The following PIGM variants were observed in gnomAD, a reference collection of about 807,000 sequenced individuals.
The protein encoded by PIGM is phosphatidylinositol glycan anchor biosynthesis class M.
Under a neutral mutation model 14.6 loss-of-function variants are expected in PIGM, and 7 were observed. The observed-to-expected ratio is 0.48, with a 90% CI of 0.27 to 0.90. The LOEUF (loss-of-function observed/expected upper bound fraction) is 0.90. Among genes scored for constraint, PIGM ranks in the 40% least tolerant of loss-of-function variants. The pLI is 0.12. For synonymous variants in PIGM, 216 were observed against 215.9 expected (o/e 1.00, Z 0.00); for missense variants, 506 against 516.2 (o/e 0.98, Z 0.19).
At position 160,027,459 on chromosome 1, in the gene PIGM, G is replaced by C. The variant is rs1648209961; in HGVS notation, c.*3009C>G. ...AGCCTTTCCAATGGGCCTATCAAGA[G>C]AATTTATCCAGGAATATTTAGGAAC... On this transcript the variant is annotated 3_prime_UTR_variant, in exon 1 of 1. Transcript: ENST00000368090. 6.6e-6 allele frequency: 1 copy of C among 152,156 alleles called. No individual in the cohort carries two copies. The highest frequency in any genetic ancestry group is 2.4e-5 in the African/African-American group (1 of 41,420). The allele number at this position is 152,156 out of a possible 1,614,324, so 9.4% of individuals were successfully genotyped here.
chr1:160,030,511 T>C lies in PIGM; in HGVS notation c.1229A>G (p.His410Arg), dbSNP rs779200417. Residue 410 changes from histidine to arginine, a missense_variant, in exon 1 of 1, where the codon CAT (histidine) becomes CGT (arginine). Physicochemically the swap from His to Arg is conservative, Grantham distance 29. Coordinates refer to ENST00000368090, the MANE Select transcript of PIGM (RefSeq NM_145167.3). ...NCSILIQIIS[H>R]YKEEPLTERI... ...CTCTGTCAGGGGTTCTTCTTTGTAA[T>C]GGGAAATAATTTGAATCAGGATGGA... 2 of 1,613,750 alleles carry C rather than the reference T, an allele frequency of 1.2e-6. No homozygotes were observed. The highest frequency in any genetic ancestry group is 1.7e-6 in the Non-Finnish European group (2 of 1,179,632).
rs181777827 is a variant in PIGM at position 160,031,862 on chromosome 1, A to G, written c.-123T>C. 9.0e-7 allele frequency: 1 copy of G among 1,106,584 alleles called. No homozygotes were observed. Among genetic ancestry groups the G allele is most frequent in the African/African-American group, 1.6e-5 (1 of 64,438 alleles). 68.5% of individuals were successfully genotyped at this position (1,106,584 alleles called of 1,614,324 possible). A position where few individuals can be genotyped will look rare whatever the true frequency, so the allele number is the denominator to read the frequency against. ...CCCACCCGCCAGGCTGCCAACCGAA[A>G]CGACTGCAGACTATCACATCCGGCA... On this transcript the variant is annotated 5_prime_UTR_variant, in exon 1 of 1. Coordinates refer to ENST00000368090, the MANE Select transcript of PIGM (RefSeq NM_145167.3).
At position 160,025,820 on chromosome 1, in the gene PIGM, T is replaced by C. The variant is rs1648169366; in HGVS notation, c.*4648A>G. 1.3e-5 allele frequency: 2 copies of C among 152,252 alleles called. No individual in the cohort carries two copies. The highest frequency in any genetic ancestry group is 4.8e-5 in the African/African-American group (2 of 41,464). The allele number at this position is 152,252 out of a possible 1,614,324, so 9.4% of individuals were successfully genotyped here. A position where few individuals can be genotyped will look rare whatever the true frequency, so the allele number is the denominator to read the frequency against. Reference sequence around the variant, plus strand: ...TGGGTAAAAATCACTTATTAGCAAGTTGTTTAATCTTTGAGCCTCTTCGTT... The same window carrying C: ...TGGGTAAAAATCACTTATTAGCAAGCTGTTTAATCTTTGAGCCTCTTCGTT... On this transcript the variant is annotated 3_prime_UTR_variant, in exon 1 of 1. Coordinates refer to ENST00000368090, the MANE Select transcript of PIGM (RefSeq NM_145167.3).
chr1:160,031,462 A>G lies in PIGM; in HGVS notation c.278T>C (p.Leu93Pro). Residue 93 changes from leucine to proline, a missense_variant, in exon 1 of 1, where the codon CTC becomes CCC. Leu to Pro is a moderately conservative substitution (Grantham distance 98, BLOSUM62 -3). Coordinates refer to ENST00000368090, the MANE Select transcript of PIGM (RefSeq NM_145167.3). ...LLTPNIYLSE[L>P]FGKFLFISCD... ...GCTGATGAAGAGAAACTTTCCAAAG[A>G]GCTCGCTGAGGTAGATGTTGGGAGT... is the stretch of plus-strand genomic sequence containing the variant. 6.2e-7 allele frequency: 1 copy of G among 1,612,882 alleles called. No homozygotes were observed.
Position 160,031,645 on chromosome 1 carries a change from A to G in PIGM, c.95T>C (p.Leu32Pro). The stretch of plus-strand genomic sequence containing the variant: ...GTCCTGGAAGACGCCATAGAAAACC[A>G]GGGCGACTCTGGCTAGAAAGGCCAC... ...FGVAFLARVA[L>P]VFYGVFQDRT... is the part of the protein sequence containing the mutation. Residue 32 changes from leucine (L) to proline (P), a missense_variant, in exon 1 of 1, where the codon CTG (leucine) becomes CCG (proline). Leu to Pro is a moderately conservative substitution (Grantham distance 98). Transcript: ENST00000368090. 2 of 1,614,136 alleles carry G rather than the reference A, an allele frequency of 1.2e-6. No individual in the cohort carries two copies. The highest frequency in any genetic ancestry group is 1.7e-6 in the Non-Finnish European group (2 of 1,180,034).
rs1165006299 is a variant in PIGM, at chr1:160,026,219, T to C, written c.*4249A>G. 1 of 152,232 alleles carries C rather than the reference T, an allele frequency of 6.6e-6. No homozygotes were observed. The highest frequency in any genetic ancestry group is 1.5e-5 in the Non-Finnish European group (1 of 68,040). The allele number at this position is 152,232 out of a possible 1,614,324, so 9.4% of individuals were successfully genotyped here. A position where few individuals can be genotyped will look rare whatever the true frequency, so the allele number is the denominator to read the frequency against. ...AGACTAGGAAAAGATTCAAACTTCT[T>C]AATTATGGATTATCCACCATGTTCT... On this transcript the variant is annotated 3_prime_UTR_variant, in exon 1 of 1. Transcript: ENST00000368090.
At position 160,031,902 on chromosome 1, in the gene PIGM, C is replaced by A; in HGVS notation, c.-163G>T. 1.1e-6 allele frequency: 1 copy of A among 897,644 alleles called. No homozygotes were observed. Among genetic ancestry groups the A allele is most frequent in the Non-Finnish European group, 1.8e-6 (1 of 554,252 alleles). 55.6% of individuals were successfully genotyped at this position (897,644 alleles called of 1,614,324 possible). On this transcript the variant is annotated 5_prime_UTR_variant, in exon 1 of 1. Transcript: ENST00000368090. ...CACATCCGGCATGAAGCCCCGCCCC[C>A]GTACTGCTACCTGTCTCCAGCCCCG... is the stretch of plus-strand genomic sequence containing the variant.
chr1:160,030,310 T>G lies in PIGM; in HGVS notation c.*158A>C. On this transcript the variant is annotated 3_prime_UTR_variant, in exon 1 of 1. Transcript: ENST00000368090. Reference sequence around the variant, plus strand: ...AGGTGGACCTCAATTATTGTGTCCCTTTTATATATAAGGCAAACATTGCTT... The same window carrying G: ...AGGTGGACCTCAATTATTGTGTCCCGTTTATATATAAGGCAAACATTGCTT... The G allele has an allele frequency of 1.3e-6, 1 of 774,934 alleles. No homozygotes were observed. The highest frequency in any genetic ancestry group is 2.1e-5 in the Admixed American group (1 of 46,546). 48.0% of individuals were successfully genotyped at this position (774,934 alleles called of 1,614,324 possible).
chr1:160,025,899 A>ATTCCGC lies in PIGM; in HGVS notation c.*4568_*4569insGCGGAA, dbSNP rs1648172188. 1.3e-5 allele frequency: 2 copies of ATTCCGC among 152,246 alleles called. No individual in the cohort carries two copies. Among genetic ancestry groups the ATTCCGC allele is most frequent in the African/African-American group, 4.8e-5 (2 of 41,468 alleles). 9.4% of individuals were successfully genotyped at this position (152,246 alleles called of 1,614,324 possible). ...ACTTTGAAGTGTTGCTGTGAAAATT[A>ATTCCGC]AATAAAACCATATATGGCGGAATAG... On this transcript the variant is annotated 3_prime_UTR_variant, in exon 1 of 1. Coordinates refer to ENST00000368090, the MANE Select transcript of PIGM (RefSeq NM_145167.3).
In PIGM at chr1:160,030,777, C is replaced by T. The variant is rs1382391876; in HGVS notation, c.963G>A (p.Thr321=). The T allele has an allele frequency of 3.1e-6, 5 of 1,614,020 alleles. No individual in the cohort carries two copies. In the East Asian group the frequency reaches 1.1e-4, roughly 36 times the overall value. ...CTTTGTTAAAAGTCACAAAAATGGA[C>T]GTATGAAGAAAACAACAAAAAACGA... ...RDLVFCCFLH[T]SIFVTFNKVC... The change falls in exon 1 of 1, where the codon ACG becomes ACA. Residue 321 remains threonine (T), a synonymous_variant. Transcript: ENST00000368090.
At position 160,030,296 on chromosome 1, in the gene PIGM, A is replaced by C. The variant is rs890854146; in HGVS notation, c.*172T>G. On this transcript the variant is annotated 3_prime_UTR_variant, in exon 1 of 1. Coordinates refer to ENST00000368090, the MANE Select transcript of PIGM (RefSeq NM_145167.3). ...TAGGATTTCCTAGAAGGTGGACCTC[A>C]ATTATTGTGTCCCTTTTATATATAA... The C allele has an allele frequency of 1.6e-5, 11 of 679,152 alleles. No individual in the cohort carries two copies. In the African/African-American group the frequency reaches 2.0e-4, roughly 12 times the overall value. 42.1% of individuals were successfully genotyped at this position (679,152 alleles called of 1,614,324 possible). A position where few individuals can be genotyped will look rare whatever the true frequency, so the allele number is the denominator to read the frequency against.
rs779957619 is a variant in PIGM, at chr1:160,030,624, C to A, written c.1116G>T (p.Leu372=). The change falls in exon 1 of 1, where the codon CTG becomes CTT. Residue 372 remains leucine, a synonymous_variant. Transcript: ENST00000368090. ...GAAACTCTAGAACATAGGCAGGAGC[C>A]AGCCACATGGCCTGCCCTATAAACC... The part of the protein sequence containing the change: ...MLWFIGQAMW[L]APAYVLEFQG... 5.5e-5 allele frequency: 88 copies of A among 1,614,074 alleles called. No homozygotes were observed. The South Asian group carries it at 8.8e-4, about 16-fold the overall frequency.
rs763941080 is a variant in PIGM at position 160,030,346 on chromosome 1, T to C, written c.*122A>G. The C allele has an allele frequency of 3.4e-4, 366 of 1,063,738 alleles. No individual in the cohort carries two copies. The highest frequency in any genetic ancestry group is 5.1e-4 in the Non-Finnish European group (353 of 692,998). 65.9% of individuals were successfully genotyped at this position (1,063,738 alleles called of 1,614,324 possible). A position where few individuals can be genotyped will look rare whatever the true frequency, so the allele number is the denominator to read the frequency against. On this transcript the variant is annotated 3_prime_UTR_variant, in exon 1 of 1. Transcript: ENST00000368090. ...AGGCAAACATTGCTTTTAAGTTCTG[T>C]TGGAACATGGGAACTTTCACTAGAA...
In PIGM at chr1:160,031,288, G is replaced by A. The variant is rs1024359695; in HGVS notation, c.452C>T (p.Ala151Val). Residue 151 changes from alanine (A) to valine (V), a missense_variant, in exon 1 of 1, where the codon GCC becomes GTC. Ala to Val is a moderately conservative substitution (Grantham distance 64, BLOSUM62 0). Transcript: ENST00000368090. Reference sequence around the variant, plus strand: ...GTAGAGGACCATCAGGACCAGGGAGGCGACAATAGAGTCCGCATTACCGCG... The same window carrying A: ...GTAGAGGACCATCAGGACCAGGGAGACGACAATAGAGTCCGCATTACCGCG... ...SSRGNADSIV[A>V]SLVLMVLYLI... 2.7e-5 allele frequency: 44 copies of A among 1,614,004 alleles called. No homozygotes were observed. The Admixed American group carries it at 5.8e-4, about 21-fold the overall frequency.
chr1:160,028,828 G>C lies in PIGM; in HGVS notation c.*1640C>G, dbSNP rs549940586. ...TAAGGATGCTTGTTTAAACAACTCA[G>C]AAAGCATTTTTCCCCCAGAAATATT... On this transcript the variant is annotated 3_prime_UTR_variant, in exon 1 of 1. Coordinates refer to ENST00000368090, the MANE Select transcript of PIGM (RefSeq NM_145167.3). 5.3e-5 allele frequency: 8 copies of C among 152,032 alleles called. No homozygotes were observed. Among genetic ancestry groups the C allele is most frequent in the African/African-American group, 1.9e-4 (8 of 41,472 alleles). The allele number at this position is 152,032 out of a possible 1,614,324, so 9.4% of individuals were successfully genotyped here.
Position 160,030,264 on chromosome 1 carries a change from C to T in PIGM, c.*204G>A, listed in dbSNP as rs1231129874. On this transcript the variant is annotated 3_prime_UTR_variant, in exon 1 of 1. Transcript: ENST00000368090. ...TTATTCCCACCATGTCCCAAATAAA[C>T]GAGTCCTAGGATTTCCTAGAAGGTG... 3.7e-6 allele frequency: 2 copies of T among 543,294 alleles called. No individual in the cohort carries two copies. The highest frequency in any genetic ancestry group is 6.2e-5 in the Admixed American group (2 of 32,296). 33.7% of individuals were successfully genotyped at this position (543,294 alleles called of 1,614,324 possible).
In PIGM at chr1:160,031,708, A is replaced by G. The variant is rs1444320101; in HGVS notation, c.32T>C (p.Leu11Pro). 2 of 1,613,968 alleles carry G rather than the reference A, an allele frequency of 1.2e-6. No homozygotes were observed. Among genetic ancestry groups the G allele is most frequent in the Non-Finnish European group, 1.7e-6 (2 of 1,180,020 alleles). Residue 11 changes from leucine to proline, a missense_variant, in exon 1 of 1, where the codon CTC becomes CCC. Leu to Pro is a moderately conservative substitution (Grantham distance 98, BLOSUM62 -3). Transcript: ENST00000368090. ...GGCTGGAGCCACCTTCAAGTTCAGG[A>G]GCCATTCGCCCCAGTGCTTGGTGGA... MGSTKHWGEW[L>P]LNLKVAPAGV...
chr1:160,026,994 T>C lies in PIGM; in HGVS notation c.*3474A>G, dbSNP rs1031180313. 6.6e-6 allele frequency: 1 copy of C among 152,132 alleles called. No homozygotes were observed. Among genetic ancestry groups the C allele is most frequent in the Admixed American group, 6.5e-5 (1 of 15,280 alleles). 9.4% of individuals were successfully genotyped at this position (152,132 alleles called of 1,614,324 possible). On this transcript the variant is annotated 3_prime_UTR_variant, in exon 1 of 1. Coordinates refer to ENST00000368090, the MANE Select transcript of PIGM (RefSeq NM_145167.3). ...AGCTTCCCAAGTAGCACTTTTTTTT[T>C]TGTACAGATGGGGGTCTCACTATGT...
At position 160,030,144 on chromosome 1, in the gene PIGM, C is replaced by G. The variant is rs1194006019; in HGVS notation, c.*324G>C. ...ATTGTAAAACAGGAACAAATACTGG[C>G]TTAAACCTGATGTCTCTAACTATAT... On this transcript the variant is annotated 3_prime_UTR_variant, in exon 1 of 1. Coordinates refer to ENST00000368090, the MANE Select transcript of PIGM (RefSeq NM_145167.3). 34 of 314,436 alleles carry G rather than the reference C, an allele frequency of 1.1e-4. No individual in the cohort carries two copies. Among genetic ancestry groups the G allele is most frequent in the South Asian group, 1.1e-3 (34 of 31,934 alleles). 19.5% of individuals were successfully genotyped at this position (314,436 alleles called of 1,614,324 possible). A position where few individuals can be genotyped will look rare whatever the true frequency, so the allele number is the denominator to read the frequency against.
Sources: allele counts gnomAD v4.1 joint callset, GRCh38; gene constraint gnomAD v4.1.1; transcripts MANE v1.5; gene names NCBI Gene and HGNC (gene_info 2026-07-23, HGNC 2026-07-21).